EPAS1: variants seen among roughly 807,000 people sequenced by gnomAD.
The protein encoded by EPAS1 is endothelial PAS domain protein 1.
Under a neutral mutation model 87.9 loss-of-function variants are expected in EPAS1, and 23 were observed. The observed-to-expected ratio is 0.26, with a 90% CI of 0.19 to 0.37. EPAS1 has a LOEUF of 0.37. Ranked by LOEUF, EPAS1 falls within the 10% of genes least tolerant of loss-of-function variation. The probability of loss-of-function intolerance (pLI) is 1.00; values close to 1 mark genes in which losing one functional copy is unlikely to be tolerated. For synonymous variants in EPAS1, 508 were observed against 444.3 expected (o/e 1.14, Z -1.80); for missense variants, 1,138 against 1,120.7 (o/e 1.02, Z -0.22).
rs375861264 is a variant in EPAS1 at position 46,330,643 on chromosome 2, G to C, written c.27-16230G>C. On this transcript the variant is annotated intron_variant, in intron 1 of 15. Transcript: ENST00000263734. ...TCCACACAATCATCTCATTGTCAAA[G>C]CACAAGGAATGCAAAAATAGAAGAA... is the stretch of plus-strand genomic sequence containing the variant. 7.2e-4 allele frequency among the ~76,000 whole-genome samples: 109 copies of C among 152,302 alleles called. 1 individual carries two copies. In the South Asian group the frequency reaches 0.016, roughly 23 times the overall value.
rs1685000916 is a variant in EPAS1, at chr2:46,385,593, T to G, written c.*933T>G. 1 of 152,242 alleles carries G rather than the reference T, an allele frequency of 6.6e-6. No homozygotes were observed. 9.4% of individuals were successfully genotyped at this position (152,242 alleles called of 1,614,324 possible). On this transcript the variant is annotated 3_prime_UTR_variant, in exon 16 of 16. Coordinates refer to ENST00000263734, the MANE Select transcript of EPAS1 (RefSeq NM_001430.5). ...GGAAGGCCTCCCTCTGTCGGCTTTT[T>G]GCCATCTGTGATATGCCATAGGTGT... is the stretch of plus-strand genomic sequence containing the variant.
At chr2:46,378,408 G>A (rs1254480804) in intron 10 of EPAS1, among the ~76,000 whole-genome samples, 1 of 152,194 alleles carries the variant, frequency 6.6e-6, no homozygotes, top group Non-Finnish European at 1.5e-5. Context: ...ATCCTGTTTG[G>A]TCCTCAAGAC....
At chr2:46,356,129 T>TTCCCCCC (rs1553394822) in intron 2 of EPAS1, 22 bp from the exon 3 acceptor site, 1 of 1,242,732 alleles carries the variant, frequency 8.0e-7, no homozygotes, top group Non-Finnish European at 1.1e-6. Flanking sequence ...ATGCAAGCTG[T>TTCCCCCC]CCCACCCCCC....
chr2:46,351,777 G>T (rs1383863360), intron 2 of EPAS1, among the ~76,000 whole-genome samples: 2 of 152,168 alleles, frequency 1.3e-5, no homozygotes, highest in Non-Finnish European at 2.9e-5. Context: ...GACCTTGGTG[G>T]AATAAAAGTG....
At chr2:46,368,826 C>G (rs1477219082) in intron 6 of EPAS1, among the ~76,000 whole-genome samples, 1 of 152,110 alleles carries the variant, frequency 6.6e-6, no homozygotes, top group Non-Finnish European at 1.5e-5. Context: ...TGTGAGAGAA[C>G]CAAGATTTTG....
intron 2 of EPAS1, among the ~76,000 whole-genome samples, chr2:46,352,667 A>G (rs1407704998): frequency 6.6e-6 from 1 of 152,160 alleles, no homozygotes; most frequent in Non-Finnish European, 1.5e-5. Context: ...AGGTTCCTTC[A>G]GAAGCTCCCA....
intron 1 of EPAS1, among the ~76,000 whole-genome samples, chr2:46,339,857 G>A (rs2104865705): frequency 6.6e-6 from 1 of 152,280 alleles, no homozygotes; most frequent in East Asian, 1.9e-4. Flanking sequence ...AGGGGTGAGA[G>A]GGTTCCCCTG....
chr2:46,362,918 G>A (rs1410763365), intron 6 of EPAS1, among the ~76,000 whole-genome samples: 1 of 145,436 alleles, frequency 6.9e-6, no homozygotes, highest in Admixed American at 7.0e-5. Flanking sequence ...TTCCGTCCTG[G>A]AACTTCGACA....
intron 1 of EPAS1, among the ~76,000 whole-genome samples, chr2:46,325,677 C>T (rs554131499): frequency 6.6e-6 from 1 of 152,286 alleles, no homozygotes; most frequent in African/African-American, 2.4e-5. Context: ...TTTCTCTGTT[C>T]CTGCCAACAG....
chr2:46,298,056 C>T, intron 1 of EPAS1, 119 bp downstream of exon 1: 2 of 1,324,860 alleles, frequency 1.5e-6, no homozygotes, highest in Non-Finnish European at 1.1e-6. Flanking sequence ...GAGCTCGAGG[C>T]TCGGTTTGGA....
chr2:46,356,937 T>C, intron 4 of EPAS1, 129 bp downstream of exon 4: 2 of 712,914 alleles, frequency 2.8e-6, no homozygotes, highest in South Asian at 3.0e-5. Context: ...CCTTAAAAAA[T>C]TTAAGTATGT....
chr2:46,376,092 A>C (rs1403155753), intron 8 of EPAS1, among the ~76,000 whole-genome samples: 1 of 152,134 alleles, frequency 6.6e-6, no homozygotes, highest in African/African-American at 2.4e-5. Context: ...CATCTGACCC[A>C]GGTGGGGAGG....
intron 1 of EPAS1, among the ~76,000 whole-genome samples, chr2:46,305,327 C>G (rs186829603): frequency 1.3e-5 from 2 of 152,238 alleles, no homozygotes; most frequent in Admixed American, 1.3e-4. Flanking sequence ...TTTCTAATTT[C>G]TTAAGAAATA....
chr2:46,311,178 A>G (rs1355525855), intron 1 of EPAS1, among the ~76,000 whole-genome samples: 5 of 152,058 alleles, frequency 3.3e-5, no homozygotes, highest in African/African-American at 1.2e-4. Flanking sequence ...CACCCAGCAT[A>G]TTTGGCCTCT....
intron 6 of EPAS1, among the ~76,000 whole-genome samples, chr2:46,363,242 G>A (rs1013680616): frequency 2.6e-5 from 4 of 152,122 alleles, no homozygotes; most frequent in Non-Finnish European, 5.9e-5. Flanking sequence ...GGCTCAAGCC[G>A]ACGTAGCCAT....
chr2:46,384,137 T>A (rs2103681465), intron 15 of EPAS1, among the ~76,000 whole-genome samples: 1 of 152,288 alleles, frequency 6.6e-6, no homozygotes. Context: ...TGTGTTTGCA[T>A]CTGTATGTAT....
At chr2:46,384,231 G>T (rs1285942576) in intron 15 of EPAS1, among the ~76,000 whole-genome samples, 1 of 152,202 alleles carries the variant, frequency 6.6e-6, no homozygotes, top group African/African-American at 2.4e-5. Flanking sequence ...AGGCATGGGG[G>T]TCAGCAACCC....
chr2:46,368,733 G>C (rs559468104), intron 6 of EPAS1, among the ~76,000 whole-genome samples: 2 of 152,306 alleles, frequency 1.3e-5, no homozygotes, highest in South Asian at 4.1e-4. Flanking sequence ...TTCTGAAGTA[G>C]AGTTGTAATA....
chr2:46,350,318 G>C (rs1263024449), intron 2 of EPAS1, among the ~76,000 whole-genome samples: 2 of 152,168 alleles, frequency 1.3e-5, no homozygotes, highest in African/African-American at 4.8e-5. Context: ...ATAGGAAATA[G>C]CTGGTTGCAT....
Sources: allele counts gnomAD v4.1 joint callset (sites outside exome capture counted in the v4.1 genomes callset), GRCh38; gene constraint gnomAD v4.1.1; transcripts MANE v1.5; gene names NCBI Gene and HGNC (gene_info 2026-07-23, HGNC 2026-07-21).